Variants in NUP35 observed in about 807,000 individuals in gnomAD.
NUP35 encodes the protein nucleoporin 35.
A neutral mutation model predicts 41.5 loss-of-function variants in NUP35; 25 were observed. That is an observed-to-expected ratio of 0.60 (90% CI 0.44 to 0.84). The LOEUF is 0.84. NUP35 is among the 40% of genes least tolerant of loss of function. The probability of loss-of-function intolerance (pLI) is 0.00; values close to 1 mark genes in which losing one functional copy is unlikely to be tolerated. For missense variants in NUP35, 396 were observed against 396.6 expected, an observed-to-expected ratio of 1.00 and a Z score of 0.01; for synonymous variants, 149 against 130.7, an observed-to-expected ratio of 1.14 and a Z score of -0.96.
At chr2:183,117,916 T>G (rs566264012) in intron 1 of NUP35, among the ~76,000 whole-genome samples, 1 of 152,352 alleles carries the variant, frequency 6.6e-6, no homozygotes, top group South Asian at 2.1e-4. Flanking sequence ...GAAATATAGC[T>G]CAGAGCTAAT....
chr2:183,137,815 A>C (rs1392308641), intron 4 of NUP35, among the ~76,000 whole-genome samples: 4 of 152,036 alleles, frequency 2.6e-5, no homozygotes, highest in Non-Finnish European at 5.9e-5. Flanking sequence ...AAAACACATA[A>C]TGTTAAGTAA....
At chr2:183,154,941 A>G (rs1685600090) in intron 5 of NUP35, among the ~76,000 whole-genome samples, 1 of 152,186 alleles carries the variant, frequency 6.6e-6, no homozygotes, top group Non-Finnish European at 1.5e-5. Flanking sequence ...AGGTACTTAC[A>G]TAGTGACATC....
chr2:183,121,266 T>A (rs1225188271), upstream of NUP35, among the ~76,000 whole-genome samples: 1 of 151,956 alleles, frequency 6.6e-6, no homozygotes, highest in Non-Finnish European at 1.5e-5. Context: ...CAGGAGCCAA[T>A]CTGCAATTAA....
At chr2:183,154,624 G>T (rs1441074972) in intron 5 of NUP35, among the ~76,000 whole-genome samples, 6 of 152,120 alleles carry the variant, frequency 3.9e-5, no homozygotes, top group Non-Finnish European at 8.8e-5. Flanking sequence ...GGAACTTATT[G>T]TTCATATCAC....
intron 1 of NUP35, 79 bp downstream of exon 1, chr2:183,124,576 TC>T: frequency 1.9e-6 from 3 of 1,562,754 alleles, no homozygotes; most frequent in Non-Finnish European, 2.6e-6. Context: ...TGAAAGGCAG[TC>T]GTCAGGCTCT....
chr2:183,128,978 C>T (rs996082367), intron 2 of NUP35, among the ~76,000 whole-genome samples: 3 of 152,012 alleles, frequency 2.0e-5, no homozygotes, highest in African/African-American at 7.2e-5. Flanking sequence ...TGCTAAGATG[C>T]CATTTTTTGT....
Position 183,151,650 on chromosome 2 carries a change from G to A in NUP35, c.539+1G>A. The stretch of plus-strand genomic sequence containing the variant: ...ATGACTCTTGGGTGACTGTATTTGG[G>A]TAAGGTTTGCAGACCATTTGCCTTT... On this transcript the variant is annotated splice_donor_variant, in intron 5 of 8. Coordinates refer to ENST00000295119, the MANE Select transcript of NUP35 (RefSeq NM_138285.5). LOFTEE classifies it high-confidence loss of function. 6.8e-6 allele frequency: 11 copies of A among 1,611,542 alleles called. No homozygotes were observed. Among genetic ancestry groups the A allele is most frequent in the Non-Finnish European group, 9.3e-6 (11 of 1,179,242 alleles).
intron 2 of NUP35, among the ~76,000 whole-genome samples, chr2:183,129,584 G>A (rs2105545318): frequency 6.6e-6 from 1 of 152,278 alleles, no homozygotes; most frequent in East Asian, 1.9e-4. Flanking sequence ...TATATTGATT[G>A]CTTATGAGCC....
intron 4 of NUP35, among the ~76,000 whole-genome samples, chr2:183,139,205 T>C (rs1006637284): frequency 3.5e-5 from 3 of 86,292 alleles, no homozygotes; most frequent in African/African-American, 1.6e-4. Context: ...TTTGCATTTC[T>C]TTCTTTCTTT....
At chr2:183,143,317 C>A in intron 4 of NUP35, among the ~76,000 whole-genome samples, 1 of 150,540 alleles carries the variant, frequency 6.6e-6, no homozygotes. Context: ...TGCTGGTGAG[C>A]AAATATTTAT....
chr2:183,157,354 G>C (rs188403907), intron 5 of NUP35, 90 bp from the exon 6 acceptor site: 124 of 945,916 alleles, frequency 1.3e-4, no homozygotes, highest in Non-Finnish European at 2.1e-4. Context: ...ACAGTTGGGG[G>C]CCATTTATCT....
At chr2:183,118,043 TC>T (rs1700012456) in intron 1 of NUP35, among the ~76,000 whole-genome samples, 1 of 152,132 alleles carries the variant, frequency 6.6e-6, no homozygotes, top group Non-Finnish European at 1.5e-5. Context: ...TTTCTGTTCC[TC>T]CCCTCCCAAC....
intron 4 of NUP35, among the ~76,000 whole-genome samples, chr2:183,135,928 T>C (rs1429734690): frequency 1.3e-5 from 2 of 151,594 alleles, no homozygotes; most frequent in Non-Finnish European, 1.5e-5. Context: ...TTAACAATGA[T>C]GTAAAATGTA....
At chr2:183,142,473 G>C (rs1338791662) in intron 4 of NUP35, among the ~76,000 whole-genome samples, 4 of 151,162 alleles carry the variant, frequency 2.6e-5, no homozygotes, top group African/African-American at 9.7e-5. Flanking sequence ...TTTGGTGGGG[G>C]GTGGTGGGCA....
chr2:183,132,592 T>C (rs1684737558), intron 3 of NUP35, among the ~76,000 whole-genome samples: 1 of 151,974 alleles, frequency 6.6e-6, no homozygotes, highest in Non-Finnish European at 1.5e-5. Context: ...AATTAAAAAA[T>C]TGTTTGTTGC....
At chr2:183,140,920 G>A (rs1203152746) in intron 4 of NUP35, among the ~76,000 whole-genome samples, 1 of 151,664 alleles carries the variant, frequency 6.6e-6, no homozygotes, top group Non-Finnish European at 1.5e-5. Flanking sequence ...AGATCTTAGA[G>A]CTATTCTTTT....
chr2:183,130,570 C>A, intron 3 of NUP35, 25 bp downstream of exon 3: 1 of 1,605,504 alleles, frequency 6.2e-7, no homozygotes, highest in South Asian at 1.1e-5. Context: ...CTTTTGATCC[C>A]CAATGAACAA....
At position 183,157,528 on chromosome 2, in the gene NUP35, T is replaced by G. The variant is rs1559157113; in HGVS notation, c.609+15T>G. 9.6e-6 allele frequency: 15 copies of G among 1,561,930 alleles called. No individual in the cohort carries two copies. The highest frequency in any genetic ancestry group is 1.1e-5 in the Non-Finnish European group (13 of 1,133,798). On this transcript the variant is annotated intron_variant, in intron 6 of 8. Transcript: ENST00000295119. ...TAAAACATGTGGTAAGGCTTAATTT[T>G]TTTCAGTTCAGAGTTTTGACTAAAG...
chr2:183,130,024 G>T lies in NUP35; in HGVS notation c.212-394G>T, dbSNP rs569938924. On this transcript the variant is annotated intron_variant, in intron 2 of 8. Coordinates refer to ENST00000295119, the MANE Select transcript of NUP35 (RefSeq NM_138285.5). The stretch of plus-strand genomic sequence containing the variant: ...ATTCAGGAATCTACAGACTGGAGCT[G>T]TTTAGTACCTACTTTCAAGTGAGAA... 1.5e-3 allele frequency among the ~76,000 whole-genome samples: 226 copies of T among 152,346 alleles called. 1 individual carries two copies. Among genetic ancestry groups the T allele is most frequent in the African/African-American group, 5.1e-3 (212 of 41,582 alleles).
Sources: gnomAD v4.1 joint callset for allele counts (sites outside exome capture counted in the v4.1 genomes callset) on GRCh38, gnomAD v4.1.1 for gene constraint, MANE v1.5 for transcripts, NCBI Gene and HGNC (gene_info 2026-07-23, HGNC 2026-07-21) for gene names.